The following FMOD variants were observed in gnomAD, a reference collection of about 807,000 sequenced individuals.
The protein encoded by FMOD is fibromodulin, also known as KSPG fibromodulin.
FMOD carries 15 observed loss-of-function variants against 27.0 expected under a neutral mutation model. That is an observed-to-expected ratio of 0.55 (90% confidence interval 0.37 to 0.85). The LOEUF (loss-of-function observed/expected upper bound fraction) is 0.85, where lower values mean the gene tolerates loss of function less well. Ranked by LOEUF, FMOD falls within the 40% of genes least tolerant of loss-of-function variation. The probability of loss-of-function intolerance (pLI) is 0.00; values close to 1 mark genes in which losing one functional copy is unlikely to be tolerated. For synonymous variants in FMOD, 210 were observed against 214.0 expected, an observed-to-expected ratio of 0.98 and a Z score of 0.16; for missense variants, 460 against 483.2, an observed-to-expected ratio of 0.95 and a Z score of 0.45.
At chr1:203,349,935 T>A (rs1658962389) in intron 1 of FMOD, among the ~76,000 whole-genome samples, 1 of 152,238 alleles carries the variant, frequency 6.6e-6, no homozygotes, top group Non-Finnish European at 1.5e-5. Context: ...CTGACCCAAC[T>A]GCCCACTGCC....
chr1:203,350,475 G>A (rs1658971621), intron 1 of FMOD, among the ~76,000 whole-genome samples: 1 of 152,120 alleles, frequency 6.6e-6, no homozygotes, highest in South Asian at 2.1e-4. Flanking sequence ...GGTCAAGCCA[G>A]AGGCCATCCC....
At chr1:203,344,827 G>C (rs764188238) in intron 2 of FMOD, among the ~76,000 whole-genome samples, 1 of 152,154 alleles carries the variant, frequency 6.6e-6, no homozygotes, top group Admixed American at 6.5e-5. Flanking sequence ...CTGCATCAGA[G>C]AGATATTCCT....
chr1:203,347,579 C>G lies in FMOD; in HGVS notation c.692G>C (p.Ser231Thr), dbSNP rs769217928. Reference protein sequence around the residue: ...GLRSLILLDLSYNHLRKVPDG... With the variant: ...GLRSLILLDLTYNHLRKVPDG... ...AGGCACCTTCCGAAGGTGGTTATAACTCAGGTCCAGCAAGATCAGTGACCG... is the reference window on the plus strand; with the variant it reads ...AGGCACCTTCCGAAGGTGGTTATAAGTCAGGTCCAGCAAGATCAGTGACCG... The change falls in exon 2 of 3, where the codon AGT becomes ACT. Residue 231 changes from serine (S) to threonine (T), a missense_variant. By Grantham distance (58) the Ser-to-Thr change is moderately conservative. Coordinates refer to ENST00000354955, the MANE Select transcript of FMOD (RefSeq NM_002023.5). The G allele has an allele frequency of 6.2e-7, 1 of 1,614,226 alleles. No homozygotes were observed. Among genetic ancestry groups the G allele is most frequent in the Non-Finnish European group, 8.5e-7 (1 of 1,180,044 alleles).
At position 203,340,916 on chromosome 1, in the gene FMOD, G is replaced by C. The variant is rs1658785438; in HGVS notation, c.*1427C>G. The C allele has an allele frequency of 6.6e-6, 1 of 152,236 alleles. No individual in the cohort carries two copies. Among genetic ancestry groups the C allele is most frequent in the Non-Finnish European group, 1.5e-5 (1 of 68,050 alleles). 9.4% of individuals were successfully genotyped at this position (152,236 alleles called of 1,614,324 possible). Reference sequence around the variant, plus strand: ...CAGTATCAGGGATGTGATGGCATCTGGGCAGAGCCTATACTTGGGCTAACT... The same window carrying C: ...CAGTATCAGGGATGTGATGGCATCTCGGCAGAGCCTATACTTGGGCTAACT... On this transcript the variant is annotated 3_prime_UTR_variant, in exon 3 of 3. Coordinates refer to ENST00000354955, the MANE Select transcript of FMOD (RefSeq NM_002023.5).
At position 203,344,669 on chromosome 1, in the gene FMOD, T is replaced by C. The variant is rs1467262529; in HGVS notation, c.980-2175A>G. Among the ~76,000 whole-genome samples the C allele has an allele frequency of 2.0e-5, 3 of 152,112 alleles. No homozygotes were observed. In the East Asian group the frequency reaches 5.8e-4, roughly 29 times the overall value. ...CTGTGCGCCCCTGAGCTCCTGTTCT[T>C]CTTTAAGCTCCTCTCTCAGAAGCTT... On this transcript the variant is annotated intron_variant, in intron 2 of 2. Transcript: ENST00000354955.
At chr1:203,349,763 A>G (rs1187745703) in intron 1 of FMOD, among the ~76,000 whole-genome samples, 1 of 152,228 alleles carries the variant, frequency 6.6e-6, no homozygotes, top group Non-Finnish European at 1.5e-5. Context: ...CAACAGAGTT[A>G]CCTCCTGACC....
chr1:203,345,947 G>A (rs1347678539), intron 2 of FMOD, among the ~76,000 whole-genome samples: 2 of 151,272 alleles, frequency 1.3e-5, no homozygotes, highest in East Asian at 1.9e-4. Flanking sequence ...CCCACCTTGG[G>A]AATAAAAAGA....
Position 203,347,644 on chromosome 1 carries a change from G to A in FMOD, c.627C>T (p.His209=). 1.2e-6 allele frequency: 2 copies of A among 1,614,206 alleles called. No homozygotes were observed. Among genetic ancestry groups the A allele is most frequent in the Non-Finnish European group, 1.7e-6 (2 of 1,180,032 alleles). The part of the protein sequence containing the change: ...LENLTALYLQ[H]NEIQEVGSSM... ...AACTGCCCACTTCCTGGATCTCATT[G>A]TGTTGGAGGTACAAGGCCGTGAGGT... Residue 209 remains histidine (H), a synonymous_variant, in exon 2 of 3, where the codon CAC becomes CAT. Transcript: ENST00000354955.
At chr1:203,343,859 T>G (rs972693979) in intron 2 of FMOD, among the ~76,000 whole-genome samples, 1 of 152,208 alleles carries the variant, frequency 6.6e-6, no homozygotes, top group Non-Finnish European at 1.5e-5. Context: ...TAAATTAGCA[T>G]TTTCAATGGT....
rs5780162 is a variant in FMOD, at chr1:203,346,496, C to CTT, written c.979+794_979+795dup. On this transcript the variant is annotated intron_variant, in intron 2 of 2. Transcript: ENST00000354955. ...TATTTCTTAGAGTCAGGGAGGCAGC[C>CTT]TTTTTTTTTTTCCTTTGGGCATTGC... 4.9e-3 allele frequency among the ~76,000 whole-genome samples: 718 copies of CTT among 146,290 alleles called. 4 individuals carry two copies. The highest frequency in any genetic ancestry group is 0.015 in the African/African-American group (603 of 39,834).
rs748237704 is a variant in FMOD at position 203,348,148 on chromosome 1, G to C, written c.123C>G (p.Pro41=). Residue 41 remains proline (P), a synonymous_variant, in exon 2 of 3, where the codon CCC becomes CCG. Coordinates refer to ENST00000354955, the MANE Select transcript of FMOD (RefSeq NM_002023.5). ...AGGTCTCATACGGGTAAGGGTCATA[G>C]GGATCGTAGTAGGTGGACTGCTGGC... ...LRSQQSTYYD[P]YDPYPYETYE... 2.4e-5 allele frequency: 38 copies of C among 1,614,090 alleles called. No homozygotes were observed. The highest frequency in any genetic ancestry group is 3.2e-5 in the Non-Finnish European group (38 of 1,180,036).
intron 2 of FMOD, among the ~76,000 whole-genome samples, chr1:203,346,880 G>A (rs1007929578): frequency 6.6e-6 from 1 of 152,120 alleles, no homozygotes; most frequent in African/African-American, 2.4e-5. Flanking sequence ...ACTGCTCCCT[G>A]ACACATGACC....
At position 203,348,193 on chromosome 1, in the gene FMOD, C is replaced by T. The variant is rs1368269137; in HGVS notation, c.78G>A (p.Trp26Ter). The T allele has an allele frequency of 3.1e-6, 5 of 1,614,128 alleles. No individual in the cohort carries two copies. The highest frequency in any genetic ancestry group is 4.2e-6 in the Non-Finnish European group (5 of 1,180,018). Residue 26 changes from tryptophan to a stop codon, truncating the protein, a stop_gained, in exon 2 of 3, where the codon TGG (tryptophan) becomes TGA (stop). Coordinates refer to ENST00000354955, the MANE Select transcript of FMOD (RefSeq NM_002023.5). LOFTEE classifies it high-confidence loss of function. ...GCTGGCTGCGGAGGTAGTGGAACCA[C>T]CAATGAGGGTCATCTTCATACTGGG... ...SQAQYEDDPH[W>*]WFHYLRSQQS...
Position 203,347,601 on chromosome 1 carries a change from A to G in FMOD, c.670T>C (p.Ser224Pro). ...EVGSSMRGLR[S>P]LILLDLSYNH... ...TAACTCAGGTCCAGCAAGATCAGTG[A>G]CCGGAGGCCCCTCATGGAACTGCCC... is the stretch of plus-strand genomic sequence containing the variant. Residue 224 changes from serine to proline, a missense_variant, in exon 2 of 3, where the codon TCA becomes CCA. Ser to Pro is a moderately conservative substitution (Grantham distance 74). Transcript: ENST00000354955. The G allele has an allele frequency of 6.2e-7, 1 of 1,614,162 alleles. No homozygotes were observed. The highest frequency in any genetic ancestry group is 1.1e-5 in the South Asian group (1 of 91,076).
chr1:203,348,356 T>G, intron 1 of FMOD, 79 bp from the exon 2 acceptor site: 1 of 1,471,014 alleles, frequency 6.8e-7, no homozygotes, highest in East Asian at 2.3e-5. Flanking sequence ...TAGGCAAGCC[T>G]TAGGCTTTGA....
intron 2 of FMOD, among the ~76,000 whole-genome samples, chr1:203,346,516 C>T (rs1658890998): frequency 6.8e-6 from 1 of 146,832 alleles, no homozygotes; most frequent in African/African-American, 2.5e-5. Flanking sequence ...TTCCTTTGGG[C>T]ATTGCAAGGA....
chr1:203,349,290 C>T (rs896335949), intron 1 of FMOD, among the ~76,000 whole-genome samples: 1 of 152,218 alleles, frequency 6.6e-6, no homozygotes, highest in Admixed American at 6.5e-5. Context: ...AGGACCCTGA[C>T]ATTCTCCTCT....
Position 203,348,498 on chromosome 1 carries a change from C to T in FMOD, c.-7-221G>A, listed in dbSNP as rs1016772649. On this transcript the variant is annotated intron_variant, in intron 1 of 2. Transcript: ENST00000354955. ...ATGGCTATTTGGGGTGAGCTAAGTG[C>T]ATTTTCCCCTGGTCATAGAGTCACA... 1.8e-4 allele frequency among the ~76,000 whole-genome samples: 27 copies of T among 152,166 alleles called. 1 individual carries two copies. The highest frequency in any genetic ancestry group is 1.3e-4 in the Admixed American group (2 of 15,280).
chr1:203,343,947 A>G (rs1658843030), intron 2 of FMOD, among the ~76,000 whole-genome samples: 1 of 152,258 alleles, frequency 6.6e-6, no homozygotes, highest in South Asian at 2.1e-4. Context: ...CAGGCATAAC[A>G]CAGAAAATCT....
Sources: allele counts gnomAD v4.1 joint callset (sites outside exome capture counted in the v4.1 genomes callset), GRCh38; gene constraint gnomAD v4.1.1; transcripts MANE v1.5; gene names NCBI Gene and HGNC (gene_info 2026-07-23, HGNC 2026-07-21).